YBX3: variants seen among roughly 807,000 people sequenced by gnomAD.
YBX3 encodes the protein Y-box-binding protein 3.
A neutral mutation model predicts 42.4 loss-of-function variants in YBX3; 29 were observed. The ratio of observed to expected loss-of-function variants is 0.68; its 90% CI spans 0.51 to 0.93. The LOEUF (loss-of-function observed/expected upper bound fraction) is 0.93, where lower values mean the gene tolerates loss of function less well. YBX3 is among the 40% of genes least tolerant of loss of function. The probability of loss-of-function intolerance (pLI) is 0.00; values close to 1 mark genes in which losing one functional copy is unlikely to be tolerated. For synonymous variants in YBX3, 195 were observed against 189.8 expected, an observed-to-expected ratio of 1.03 and a Z score of -0.22; for missense variants, 517 against 527.5, an observed-to-expected ratio of 0.98 and a Z score of 0.19.
chr12:10,701,805 T>C (rs1361428631), intron 8 of YBX3, among the ~76,000 whole-genome samples, 155 bp downstream of exon 8: 2 of 152,258 alleles, frequency 1.3e-5, no homozygotes, highest in Non-Finnish European at 2.9e-5. Context: ...GTCTGTGTTA[T>C]GTACAAGGCA....
In YBX3 at chr12:10,703,937, G is replaced by A. The variant is rs1948108981; in HGVS notation, c.878+114C>T. The A allele has an allele frequency of 1.8e-5, 17 of 968,652 alleles. No individual in the cohort carries two copies. In the Middle Eastern group the frequency reaches 8.6e-4, roughly 49 times the overall value. 60.0% of individuals were successfully genotyped at this position (968,652 alleles called of 1,614,324 possible). On this transcript the variant is annotated intron_variant, in intron 7 of 9. Coordinates refer to ENST00000228251, the MANE Select transcript of YBX3 (RefSeq NM_003651.5). Reference sequence around the variant, plus strand: ...CTGAAAACTCTGGCATGTAGTCAAAGCATTCACATCTTCTAGATATATAAT... The same window carrying A: ...CTGAAAACTCTGGCATGTAGTCAAAACATTCACATCTTCTAGATATATAAT...
intron 1 of YBX3, among the ~76,000 whole-genome samples, chr12:10,719,958 G>A (rs1030528592): frequency 1.3e-5 from 2 of 152,162 alleles, no homozygotes; most frequent in African/African-American, 4.8e-5. Flanking sequence ...CTTGTATTTT[G>A]TAGGTTTATA....
At chr12:10,713,387 C>A in intron 4 of YBX3, 54 bp from the exon 5 acceptor site, 3 of 1,585,046 alleles carry the variant, frequency 1.9e-6, no homozygotes, top group Admixed American at 3.6e-5. Context: ...TACACTAACT[C>A]AAAAAACAGC....
At chr12:10,713,359 T>C (rs771887324) in intron 4 of YBX3, 26 bp from the exon 5 acceptor site, 2 of 1,608,294 alleles carry the variant, frequency 1.2e-6, no homozygotes, top group Non-Finnish European at 1.7e-6. Context: ...AAAGATGGCC[T>C]CAAAATTAAA....
intron 8 of YBX3, 103 bp from the exon 9 acceptor site, chr12:10,701,456 T>A: frequency 1.4e-6 from 1 of 720,298 alleles, no homozygotes; most frequent in Non-Finnish European, 2.6e-6. Flanking sequence ...GAAGGAAAAT[T>A]AGCATGCAAA....
rs76992528 is a variant in YBX3, at chr12:10,700,989, T to C, written c.*34+265A>G. ...CAGTTTTCCTAAGTGGTACTAGTAG[T>C]TAAAAAACTGCCTGTCTAGAAAAAA... On this transcript the variant is annotated intron_variant, in intron 9 of 9. Transcript: ENST00000228251. 5.4e-3 allele frequency among the ~76,000 whole-genome samples: 824 copies of C among 152,296 alleles called. 12 individuals are homozygous for C. Among genetic ancestry groups the C allele is most frequent in the East Asian group, 0.032 (167 of 5,182 alleles).
At chr12:10,704,392 C>T (rs557038611) in intron 6 of YBX3, 6 of 356,258 alleles carry the variant, frequency 1.7e-5, no homozygotes, top group African/African-American at 6.3e-5. Flanking sequence ...ACTTTATTTT[C>T]GCCTATCAAT....
At chr12:10,717,827 TAAAAATTAGA>T in intron 3 of YBX3, 1 of 308,182 alleles carries the variant, frequency 3.2e-6, no homozygotes. Context: ...TCAAAGGCTT[TAAAAATTAGA>T]AAGTGGTCTA....
At chr12:10,701,208 C>T in intron 9 of YBX3, 46 bp downstream of exon 9, 1 of 753,208 alleles carries the variant, frequency 1.3e-6, no homozygotes, top group South Asian at 1.4e-5. Context: ...ACCAGTGATA[C>T]TAAAAAGAAA....
intron 1 of YBX3, among the ~76,000 whole-genome samples, 193 bp downstream of exon 1, chr12:10,722,657 G>A (rs753006199): frequency 1.3e-5 from 2 of 152,226 alleles, no homozygotes; most frequent in Non-Finnish European, 2.9e-5. Flanking sequence ...GCGCTCACCT[G>A]GGAGCGCCGG....
At position 10,702,228 on chromosome 12, in the gene YBX3, C is replaced by A; in HGVS notation, c.879-94G>T. On this transcript the variant is annotated intron_variant, in intron 7 of 9. Coordinates refer to ENST00000228251, the MANE Select transcript of YBX3 (RefSeq NM_003651.5). The stretch of plus-strand genomic sequence containing the variant: ...TATTTATTTTTAAAAATTAAAAAGT[C>A]AAGTGATCAGGGCCAGGCATGATGG... 2.3e-6 allele frequency: 3 copies of A among 1,330,092 alleles called. No individual in the cohort carries two copies. In the South Asian group the frequency reaches 4.7e-5, roughly 21 times the overall value. The allele number at this position is 1,330,092 out of a possible 1,614,324, so 82.4% of individuals were successfully genotyped here.
intron 8 of YBX3, 45 bp downstream of exon 8, chr12:10,701,913 TGA>T (rs1591720920): frequency 1.3e-6 from 2 of 1,556,840 alleles, no homozygotes; most frequent in East Asian, 4.5e-5. Context: ...AAGTCTGACA[TGA>T]TTAAAGACTA....
At chr12:10,702,521 TAA>T (rs879400914) in intron 7 of YBX3, 5 of 135,712 alleles carry the variant, frequency 3.7e-5, no homozygotes, top group South Asian at 2.3e-4. Context: ...ATCTCAAAAT[TAA>T]AAAAAAAAAA....
intron 1 of YBX3, among the ~76,000 whole-genome samples, chr12:10,720,010 T>G (rs1426752408): frequency 3.9e-5 from 6 of 152,184 alleles, no homozygotes; most frequent in Non-Finnish European, 7.3e-5. Flanking sequence ...GAATCAATTA[T>G]GAATGACAAA....
At chr12:10,719,706 T>C (rs1173828332) in intron 1 of YBX3, among the ~76,000 whole-genome samples, 1 of 152,258 alleles carries the variant, frequency 6.6e-6, no homozygotes, top group East Asian at 1.9e-4. Context: ...AATCCAGTTC[T>C]GTACTTACCA....
rs113262461 is a variant in YBX3 at position 10,723,262 on chromosome 12, G to A, written c.-151C>T. ...GGCGGCGGCCGAGGTGGGGTCGCGC[G>A]GCGGAGGCGGCTCGAGCTTCGTGCT... On this transcript the variant is annotated 5_prime_UTR_variant, in exon 1 of 10. Coordinates refer to ENST00000228251, the MANE Select transcript of YBX3 (RefSeq NM_003651.5). 2 of 1,139,482 alleles carry A rather than the reference G, an allele frequency of 1.8e-6. No homozygotes were observed. The highest frequency in any genetic ancestry group is 1.1e-6 in the Non-Finnish European group (1 of 921,852). 70.6% of individuals were successfully genotyped at this position (1,139,482 alleles called of 1,614,324 possible).
At chr12:10,715,314 A>G (rs890305616) in intron 4 of YBX3, among the ~76,000 whole-genome samples, 4 of 151,758 alleles carry the variant, frequency 2.6e-5, no homozygotes, top group Non-Finnish European at 5.9e-5. Context: ...GGAGGCTGAC[A>G]CAGGTGGATC....
chr12:10,704,171 C>T (rs528288967), intron 6 of YBX3, 23 bp from the exon 7 acceptor site: 1 of 1,598,016 alleles, frequency 6.3e-7, no homozygotes, highest in Non-Finnish European at 8.6e-7. Context: ...TGAGAGCTGA[C>T]AGTGAGTGTC....
At chr12:10,720,228 A>G (rs12423741) in intron 1 of YBX3, among the ~76,000 whole-genome samples, 14,339 of 152,290 alleles carry the variant, frequency 0.094, 679 homozygotes, top group East Asian at 0.12. Flanking sequence ...AGGATAAACA[A>G]TAAGGCTTCA....
Sources: gnomAD v4.1 joint callset for allele counts (sites outside exome capture counted in the v4.1 genomes callset) on GRCh38, gnomAD v4.1.1 for gene constraint, MANE v1.5 for transcripts, NCBI Gene and HGNC (gene_info 2026-07-23, HGNC 2026-07-21) for gene names.